Variants in ABLIM1 observed in about 807,000 individuals in gnomAD.
The protein encoded by ABLIM1 is actin-binding LIM protein 1.
Under a neutral mutation model 107.0 loss-of-function variants are expected in ABLIM1, and 40 were observed. That is an observed-to-expected ratio of 0.37 (90% CI 0.29 to 0.49). The LOEUF (loss-of-function observed/expected upper bound fraction) is 0.49, where lower values mean the gene tolerates loss of function less well. Ranked by LOEUF, ABLIM1 falls within the 20% of genes least tolerant of loss-of-function variation. ABLIM1 has a pLI of 0.97. For missense variants in ABLIM1, 857 were observed against 1,008.5 expected, an observed-to-expected ratio of 0.85 and a Z score of 2.04; for synonymous variants, 357 against 357.3, an observed-to-expected ratio of 1.00 and a Z score of 0.01.
intron 1 of ABLIM1, among the ~76,000 whole-genome samples, chr10:114,634,907 C>T: frequency 6.6e-6 from 1 of 152,210 alleles, no homozygotes; most frequent in East Asian, 1.9e-4. Flanking sequence ...TTGTTTTTGC[C>T]TCTTTGCCTC....
chr10:114,727,323 C>T (rs554541210), intron 1 of ABLIM1, among the ~76,000 whole-genome samples: 256 of 152,232 alleles, frequency 1.7e-3, no homozygotes, highest in African/African-American at 5.9e-3. Flanking sequence ...TGTCTTGATA[C>T]AATATCAAAA....
At chr10:114,556,908 G>A (rs1002707413) in intron 4 of ABLIM1, among the ~76,000 whole-genome samples, 2 of 152,164 alleles carry the variant, frequency 1.3e-5, no homozygotes, top group African/African-American at 4.8e-5. Flanking sequence ...AAAGAATAGA[G>A]TACAAAACAG....
rs1027717474 is a variant in ABLIM1 at position 114,431,613 on chromosome 10, A to G, written c.*4647T>C. On this transcript the variant is annotated 3_prime_UTR_variant, in exon 23 of 23. Transcript: ENST00000533213. ...AGAAACGTATGCATATATGATCAGT[A>G]AGCAGCTCACATCTTTCTGAATGTC... 2 of 152,238 alleles carry G rather than the reference A, an allele frequency of 1.3e-5. No homozygotes were observed. Among genetic ancestry groups the G allele is most frequent in the Non-Finnish European group, 2.9e-5 (2 of 68,048 alleles). The allele number at this position is 152,238 out of a possible 1,614,324, so 9.4% of individuals were successfully genotyped here.
intron 5 of ABLIM1, among the ~76,000 whole-genome samples, chr10:114,546,424 G>A (rs1279972317): frequency 6.6e-6 from 1 of 151,716 alleles, no homozygotes; most frequent in African/African-American, 2.4e-5. Flanking sequence ...CTCCCAAGTA[G>A]CTGGGGTTGC....
At chr10:114,640,174 A>G (rs922448761) in intron 1 of ABLIM1, among the ~76,000 whole-genome samples, 1 of 152,222 alleles carries the variant, frequency 6.6e-6, no homozygotes, top group Non-Finnish European at 1.5e-5. Context: ...TTCCTTATTC[A>G]TCAATAAGTC....
intron 1 of ABLIM1, among the ~76,000 whole-genome samples, chr10:114,636,939 A>C (rs2078508466): frequency 6.6e-6 from 1 of 151,466 alleles, no homozygotes; most frequent in African/African-American, 2.4e-5. Context: ...AGGCTGAGGC[A>C]GGAGAATCGC....
chr10:114,492,867 T>C (rs1184003823), intron 6 of ABLIM1, among the ~76,000 whole-genome samples: 1 of 152,206 alleles, frequency 6.6e-6, no homozygotes, highest in Non-Finnish European at 1.5e-5. Flanking sequence ...TTCTCATACT[T>C]TCCTGTAAAA....
Position 114,487,994 on chromosome 10 carries a change from G to T in ABLIM1, c.1005C>A (p.Asp335Glu). 6.2e-7 allele frequency: 1 copy of T among 1,614,166 alleles called. No homozygotes were observed. The highest frequency in any genetic ancestry group is 8.5e-7 in the Non-Finnish European group (1 of 1,180,024). ...CCTCGGTCTTCGTAGATTGCTTACA[G>T]TCGGGATGCCAAACGGTGGAGCCTG... ...YLQGSTVWHP[D>E]CKQSTKTEEK... Residue 335 changes from aspartate (D) to glutamate (E), a missense_variant, in exon 8 of 23, where the codon GAC (aspartate) becomes GAA (glutamate). By Grantham distance (45) the Asp-to-Glu change is conservative. Coordinates refer to ENST00000533213, the MANE Select transcript of ABLIM1 (RefSeq NM_002313.7).
At chr10:114,606,389 C>G (rs561923655) in intron 1 of ABLIM1, among the ~76,000 whole-genome samples, 1 of 152,220 alleles carries the variant, frequency 6.6e-6, no homozygotes, top group South Asian at 2.1e-4. Flanking sequence ...GCGCACACCT[C>G]CATGCCCAGC....
At chr10:114,546,379 C>T (rs539417426) in intron 5 of ABLIM1, among the ~76,000 whole-genome samples, 2 of 151,588 alleles carry the variant, frequency 1.3e-5, no homozygotes, top group South Asian at 2.1e-4. Flanking sequence ...CTGCAACCTC[C>T]GCCTCCCAGG....
At chr10:114,733,141 G>A (rs544677536) in intron 1 of ABLIM1, among the ~76,000 whole-genome samples, 1 of 152,270 alleles carries the variant, frequency 6.6e-6, no homozygotes, top group African/African-American at 2.4e-5. Flanking sequence ...TTTCAGCAAG[G>A]AAGTGACACA....
chr10:114,497,230 T>G (rs951829918), intron 6 of ABLIM1, among the ~76,000 whole-genome samples: 26 of 152,348 alleles, frequency 1.7e-4, no homozygotes, highest in African/African-American at 6.0e-4. Flanking sequence ...GACAACGGCA[T>G]GAAGGTTGGT....
chr10:114,541,640 G>A (rs2066673357), intron 6 of ABLIM1, among the ~76,000 whole-genome samples: 1 of 152,176 alleles, frequency 6.6e-6, no homozygotes, highest in South Asian at 2.1e-4. Flanking sequence ...TGAACATGGT[G>A]CAAACTACTC....
chr10:114,458,328 C>T (rs547142714), intron 12 of ABLIM1, among the ~76,000 whole-genome samples: 1 of 151,940 alleles, frequency 6.6e-6, no homozygotes, highest in South Asian at 2.1e-4. Flanking sequence ...TTTTTTAGAC[C>T]TCAGGGGAGC....
intron 2 of ABLIM1, among the ~76,000 whole-genome samples, chr10:114,594,305 G>A (rs1463114263): frequency 1.3e-5 from 2 of 152,196 alleles, no homozygotes; most frequent in African/African-American, 4.8e-5. Flanking sequence ...TGTGGTATCT[G>A]CCAGGCAGGC....
chr10:114,768,738 C>T (rs1474300048), upstream of ABLIM1, among the ~76,000 whole-genome samples: 1 of 151,604 alleles, frequency 6.6e-6, no homozygotes, highest in Non-Finnish European at 1.5e-5. Context: ...CACCCAGCAC[C>T]CGGTCTTGAG....
chr10:114,556,792 T>G (rs2068790737), intron 4 of ABLIM1, among the ~76,000 whole-genome samples: 1 of 152,180 alleles, frequency 6.6e-6, no homozygotes, highest in African/African-American at 2.4e-5. Flanking sequence ...AAATATTGAC[T>G]GGCCACAGTC....
At chr10:114,456,202 C>G (rs552172230) in intron 12 of ABLIM1, among the ~76,000 whole-genome samples, 48 of 152,248 alleles carry the variant, frequency 3.2e-4, no homozygotes, top group African/African-American at 1.1e-3. Flanking sequence ...AGGGGAAAAA[C>G]TAGTTTTTTT....
chr10:114,613,681 C>T (rs888380761), intron 1 of ABLIM1: 2 of 1,326,156 alleles, frequency 1.5e-6, no homozygotes, highest in African/African-American at 1.5e-5. Flanking sequence ...TGTCTGCACA[C>T]CCACTGGGAG....
Sources: allele counts gnomAD v4.1 joint callset (sites outside exome capture counted in the v4.1 genomes callset), GRCh38; gene constraint gnomAD v4.1.1; transcripts MANE v1.5; gene names NCBI Gene and HGNC (gene_info 2026-07-23, HGNC 2026-07-21).